DDX17: variants seen among roughly 807,000 people sequenced by gnomAD.
The protein encoded by DDX17 is DEAD-box helicase 17.
Under a neutral mutation model 80.8 loss-of-function variants are expected in DDX17, and 10 were observed. The observed-to-expected ratio is 0.12, with a 90% confidence interval of 0.08 to 0.21. DDX17 has a LOEUF of 0.21. Ranked by LOEUF, DDX17 falls within the 10% of genes least tolerant of loss-of-function variation. The pLI is 1.00. For synonymous variants in DDX17, 339 were observed against 336.2 expected (o/e 1.01, Z -0.09); for missense variants, 586 against 957.4 (o/e 0.61, Z 5.12).
intron 6 of DDX17, among the ~76,000 whole-genome samples, chr22:38,495,481 G>A (rs1386373135): frequency 6.6e-6 from 1 of 152,096 alleles, no homozygotes; most frequent in Admixed American, 6.6e-5. Context: ...TCTGGACCTC[G>A]TGATCCGCCC....
rs370386284 is a variant in DDX17, at chr22:38,502,574, C to T, written c.288-1294G>A. ...TAAGGCTTTAACACTCAACTAATTA[C>T]TTAAGATCAACTTCTTGCTTTTTAT... On this transcript the variant is annotated intron_variant, in intron 1 of 12. Coordinates refer to ENST00000403230, the MANE Select transcript of DDX17 (RefSeq NM_006386.5). Among the ~76,000 whole-genome samples, 38 of 152,246 alleles carry T rather than the reference C, an allele frequency of 2.5e-4. 1 individual carries two copies. In the East Asian group the frequency reaches 6.2e-3, roughly 25 times the overall value.
Position 38,499,506 on chromosome 22 carries a change from A to G in DDX17, c.439-7T>C, listed in dbSNP as rs780186620. 1.3e-6 allele frequency: 2 copies of G among 1,573,580 alleles called. No homozygotes were observed. The highest frequency in any genetic ancestry group is 2.3e-5 in the East Asian group (1 of 43,976). ...GTAGCTCATCAACCTCATACTATTG[A>G]AAAAAAATGAAAGAAGTTAGTAAAC... On this transcript the variant is annotated splice_polypyrimidine_tract_variant and splice_region_variant and intron_variant, in intron 2 of 12. Coordinates refer to ENST00000403230, the MANE Select transcript of DDX17 (RefSeq NM_006386.5).
In DDX17 at chr22:38,506,230, G is replaced by T. The variant is rs2089882695; in HGVS notation, c.8C>A (p.Thr3Asn). Residue 3 changes from threonine (T) to asparagine (N), a missense_variant, in exon 1 of 13, where the codon ACC becomes AAC. Physicochemically the swap from Thr to Asn is moderately conservative, Grantham distance 65. Around this residue, in one of 4 missense-constraint regions of DDX17, gnomAD observed 215 missense variants for 238.4 expected, o/e 0.90. Coordinates refer to ENST00000403230, the MANE Select transcript of DDX17 (RefSeq NM_006386.5). The stretch of plus-strand genomic sequence containing the variant: ...ACAGAGAATCGGGGCTACAAAGCCG[G>T]TGGGCAGGTTTGGCTACGCTCAAAC... 1 of 1,604,280 alleles carries T rather than the reference G, an allele frequency of 6.2e-7. No individual in the cohort carries two copies. Among genetic ancestry groups the T allele is most frequent in the Non-Finnish European group, 8.5e-7 (1 of 1,176,142 alleles).
chr22:38,495,712 A>C (rs1386002299), intron 6 of DDX17, 84 bp downstream of exon 6: 70 of 1,192,428 alleles, frequency 5.9e-5, no homozygotes, highest in Non-Finnish European at 7.6e-5. Context: ...TTATCACAAG[A>C]ACCCACTTTT....
chr22:38,493,860 G>T (rs2089736190), intron 9 of DDX17, 89 bp from the exon 10 acceptor site: 3 of 1,397,124 alleles, frequency 2.1e-6, no homozygotes, highest in Non-Finnish European at 3.0e-6. Flanking sequence ...TGCAATTTTT[G>T]TAAGGTTTGT....
chr22:38,486,827 A>G (rs1359626913), intron 12 of DDX17, among the ~76,000 whole-genome samples: 1 of 152,136 alleles, frequency 6.6e-6, no homozygotes, highest in Non-Finnish European at 1.5e-5. Context: ...ACCTCTCCGT[A>G]TGGAAAACTG....
chr22:38,492,003 C>T (rs764766645), intron 11 of DDX17, 53 bp downstream of exon 11: 6 of 1,320,922 alleles, frequency 4.5e-6, no homozygotes, highest in Non-Finnish European at 6.3e-6. Context: ...AATGACGAAT[C>T]TTTAAACCAA....
intron 11 of DDX17, chr22:38,491,815 C>A: frequency 2.5e-6 from 1 of 394,158 alleles, no homozygotes; most frequent in Non-Finnish European, 4.3e-6. Flanking sequence ...AGACCAAAGC[C>A]TGTTTGTTAG....
chr22:38,489,548 TG>T lies in DDX17; in HGVS notation c.1448-1434del, dbSNP rs2089693172. 1.0e-6 allele frequency: 1 copy of T among 984,102 alleles called. No homozygotes were observed. Among genetic ancestry groups the T allele is most frequent in the African/African-American group, 1.8e-5 (1 of 56,946 alleles). 61.0% of individuals were successfully genotyped at this position (984,102 alleles called of 1,614,324 possible). On this transcript the variant is annotated intron_variant, in intron 11 of 12. Transcript: ENST00000403230. The surrounding 1 kb of genome is among the most constrained non-coding windows in gnomAD (Gnocchi z 4.6). ...GAAAAAAATAATTAATAAAAAAAAATGTAAGTTACATCCAAAGGGTCAGACT... is the reference window on the plus strand; with the variant it reads ...GAAAAAAATAATTAATAAAAAAAAATTAAGTTACATCCAAAGGGTCAGACT...
At chr22:38,490,624 G>A (rs1287498833) in intron 11 of DDX17, 6 of 425,222 alleles carry the variant, frequency 1.4e-5, no homozygotes, top group Admixed American at 8.3e-5. Flanking sequence ...TCGCTTGACA[G>A]GAAGTGAAAA....
intron 12 of DDX17, among the ~76,000 whole-genome samples, chr22:38,486,933 G>C (rs544643710): frequency 6.6e-6 from 1 of 152,320 alleles, no homozygotes; most frequent in African/African-American, 2.4e-5. Flanking sequence ...AGCACTTTGG[G>C]AGATCAAGGC....
At chr22:38,488,255 C>A (rs769589468) in intron 11 of DDX17, 140 bp from the exon 12 acceptor site, 39 of 1,553,348 alleles carry the variant, frequency 2.5e-5, no homozygotes, top group Admixed American at 2.5e-4. Context: ...CCACTCTGAA[C>A]AGAAACAAAA....
rs1003347390 is a variant in DDX17 at position 38,485,245 on chromosome 22, A to G, written c.*690T>C. The G allele has an allele frequency of 1.3e-5, 2 of 152,226 alleles. No individual in the cohort carries two copies. The highest frequency in any genetic ancestry group is 2.9e-5 in the Non-Finnish European group (2 of 68,038). 9.4% of individuals were successfully genotyped at this position (152,226 alleles called of 1,614,324 possible). The stretch of plus-strand genomic sequence containing the variant: ...TTAATTTAAAGGATACACAAAACTC[A>G]GCAATTCAATTTCTAGCCTGACACT... On this transcript the variant is annotated 3_prime_UTR_variant, in exon 13 of 13. Coordinates refer to ENST00000403230, the MANE Select transcript of DDX17 (RefSeq NM_006386.5).
intron 1 of DDX17, 59 bp from the exon 2 acceptor site, chr22:38,501,339 C>T: frequency 6.5e-7 from 1 of 1,533,818 alleles, no homozygotes. Flanking sequence ...ATCGTACATG[C>T]CATAAGAATA....
chr22:38,491,697 G>A (rs543397955), intron 11 of DDX17: 4 of 200,410 alleles, frequency 2.0e-5, no homozygotes, highest in South Asian at 1.8e-4. Flanking sequence ...GCTAGGTTTC[G>A]TCAGGCTTAT....
At chr22:38,492,985 G>T (rs2089727963) in intron 10 of DDX17, among the ~76,000 whole-genome samples, 1 of 152,122 alleles carries the variant, frequency 6.6e-6, no homozygotes, top group African/African-American at 2.4e-5. Flanking sequence ...AAAAATTGAA[G>T]ACTTTATTAA....
chr22:38,488,757 G>C, intron 11 of DDX17: 1 of 985,720 alleles, frequency 1.0e-6, no homozygotes, highest in Non-Finnish European at 1.2e-6. Context: ...GAAACATCCA[G>C]ATTATCTATC....
At position 38,488,122 on chromosome 22, in the gene DDX17, C is replaced by T. The variant is rs759350843; in HGVS notation, c.1448-7G>A. On this transcript the variant is annotated splice_region_variant and splice_polypyrimidine_tract_variant and intron_variant, in intron 11 of 12. Coordinates refer to ENST00000403230, the MANE Select transcript of DDX17 (RefSeq NM_006386.5). ...AACTTGACATCTTCCACATCTTCCA[C>T]GTCAATGATGAGTCAGTGTGTAGGT... 11 of 1,614,028 alleles carry T rather than the reference C, an allele frequency of 6.8e-6. No individual in the cohort carries two copies. Among genetic ancestry groups the T allele is most frequent in the South Asian group, 2.2e-5 (2 of 91,086 alleles).
At chr22:38,501,000 A>T in intron 2 of DDX17, 130 bp downstream of exon 2, 1 of 1,298,638 alleles carries the variant, frequency 7.7e-7, no homozygotes, top group South Asian at 1.6e-5. Context: ...TTAACCAAAA[A>T]ATTTTTTAAG....
Sources: gnomAD v4.1 joint callset for allele counts (sites outside exome capture counted in the v4.1 genomes callset) on GRCh38, gnomAD v4.1.1 for gene constraint, gnomAD v4.1.1 regional missense constraint, Gnocchi (gnomAD v3.1) non-coding constraint, MANE v1.5 for transcripts, NCBI Gene and HGNC (gene_info 2026-07-23, HGNC 2026-07-21) for gene names.